MAP3K3: variants seen among roughly 807,000 people sequenced by gnomAD.
MAP3K3 encodes MAP/ERK kinase kinase 3.
In MAP3K3, 12 loss-of-function variants were observed where a neutral mutation model predicts 80.9. The ratio of observed to expected loss-of-function variants is 0.15; its 90% CI spans 0.10 to 0.24. MAP3K3 has a LOEUF of 0.24. Among genes scored for constraint, MAP3K3 ranks in the 10% least tolerant of loss-of-function variants. The probability of loss-of-function intolerance (pLI) is 1.00; values close to 1 mark genes in which losing one functional copy is unlikely to be tolerated. For synonymous variants in MAP3K3, 272 were observed against 307.1 expected (o/e 0.89, Z 1.19); for missense variants, 596 against 834.7 (o/e 0.71, Z 3.52).
rs2035609388 is a variant in MAP3K3 at position 63,692,330 on chromosome 17, G to C, written c.1563G>C (p.Gly521=). 6.2e-7 allele frequency: 1 copy of C among 1,613,970 alleles called. No homozygotes were observed. Among genetic ancestry groups the C allele is most frequent in the Non-Finnish European group, 8.5e-7 (1 of 1,180,012 alleles). The change falls in exon 15 of 16, where the codon GGG becomes GGC. Residue 521 remains glycine, a synonymous_variant. Transcript: ENST00000361733. The surrounding 1 kb of genome is among the most constrained non-coding windows in gnomAD (Gnocchi z 4.5). ...GCCTGCAGACGATCTGTATGTCGGG[G>C]ACGGGCATGCGCTCCGTCACTGGCA... ...SKRLQTICMS[G]TGMRSVTGTP...
intron 1 of MAP3K3, among the ~76,000 whole-genome samples, chr17:63,623,533 C>T (rs1016473898): frequency 3.9e-5 from 6 of 152,220 alleles, no homozygotes; most frequent in African/African-American, 1.4e-4. Flanking sequence ...AAGAATTTCT[C>T]TGAAATCACT....
chr17:63,692,258 A>C lies in MAP3K3; in HGVS notation c.1491A>C (p.Arg497=), dbSNP rs1489045110. Residue 497 remains arginine, a synonymous_variant, in exon 15 of 16, where the codon CGA becomes CGC. Transcript: ENST00000361733. This position sits in a 1 kb window ranked among gnomAD's most constrained non-coding sequence, Gnocchi z 4.5. ...HRDIKGANIL[R]DSAGNVKLGD... Reference sequence around the variant, plus strand: ...ATGCCTCAGGAGCCAACATCCTCCGAGACTCTGCTGGGAATGTAAAGCTGG... The same window carrying C: ...ATGCCTCAGGAGCCAACATCCTCCGCGACTCTGCTGGGAATGTAAAGCTGG... The C allele has an allele frequency of 2.5e-6, 4 of 1,614,006 alleles. No individual in the cohort carries two copies. Among genetic ancestry groups the C allele is most frequent in the Non-Finnish European group, 3.4e-6 (4 of 1,180,008 alleles).
intron 6 of MAP3K3, chr17:63,672,836 C>T (rs2035138936): frequency 1.3e-5 from 2 of 152,212 alleles, no homozygotes; most frequent in African/African-American, 4.8e-5. Context: ...CTGTTATTTT[C>T]ATTCACAGAT....
intron 11 of MAP3K3, 156 bp from the exon 12 acceptor site, chr17:63,690,108 C>A: frequency 1.2e-6 from 1 of 835,672 alleles, no homozygotes; most frequent in Non-Finnish European, 1.9e-6. Flanking sequence ...GACTAGGGCA[C>A]TGGGCTTGCT....
chr17:63,684,166 A>C (rs145425651), intron 7 of MAP3K3, among the ~76,000 whole-genome samples: 1 of 152,196 alleles, frequency 6.6e-6, no homozygotes, highest in Non-Finnish European at 1.5e-5. Flanking sequence ...ACAAAATGCT[A>C]GCACAATGTA....
intron 6 of MAP3K3, among the ~76,000 whole-genome samples, chr17:63,670,586 C>CAAAAAAAAAAAAAAAAA (rs756058538): frequency 2.5e-5 from 2 of 79,946 alleles, no homozygotes; most frequent in African/African-American, 4.8e-5. Context: ...GACTCTGTCT[C>CAAAAAAAAAAAAAAAAA]AAAAAAAAAA....
intron 1 of MAP3K3, among the ~76,000 whole-genome samples, chr17:63,623,441 G>A (rs576073704): frequency 3.9e-5 from 6 of 152,332 alleles, no homozygotes; most frequent in South Asian, 4.1e-4. Flanking sequence ...GAAAAATCCC[G>A]TTGCAGGGGT....
chr17:63,689,384 C>T lies in MAP3K3; in HGVS notation c.872-160C>T, dbSNP rs577037098. 14 of 618,874 alleles carry T rather than the reference C, an allele frequency of 2.3e-5. No homozygotes were observed. The highest frequency in any genetic ancestry group is 3.7e-5 in the African/African-American group (2 of 54,282). 38.3% of individuals were successfully genotyped at this position (618,874 alleles called of 1,614,324 possible). ...CTGTGGAATGAGTCAGGTGGGAGTG[C>T]GGACGGGATGGGCTGGAGCTGGTAT... On this transcript the variant is annotated intron_variant, in intron 10 of 15. Coordinates refer to ENST00000361733, the MANE Select transcript of MAP3K3 (RefSeq NM_002401.5). This position sits in a 1 kb window ranked among gnomAD's most constrained non-coding sequence, Gnocchi z 4.3.
intron 8 of MAP3K3, among the ~76,000 whole-genome samples, chr17:63,687,029 G>A (rs1457815681): frequency 6.6e-6 from 1 of 152,110 alleles, no homozygotes; most frequent in Non-Finnish European, 1.5e-5. Context: ...AAGATGCCTG[G>A]TTTAGCAGCA....
chr17:63,648,551 T>A (rs912036440), intron 3 of MAP3K3, among the ~76,000 whole-genome samples: 26 of 151,882 alleles, frequency 1.7e-4, no homozygotes, highest in African/African-American at 6.3e-4. Context: ...CTGGGCCGGG[T>A]GTGGTGGCTC....
chr17:63,667,120 C>T, intron 6 of MAP3K3, 60 bp downstream of exon 6: 1 of 1,489,954 alleles, frequency 6.7e-7, no homozygotes, highest in South Asian at 1.3e-5. Context: ...TTTAAAAAAG[C>T]AACAAGTATT....
At chr17:63,655,183 G>A (rs1245792291) in intron 4 of MAP3K3, among the ~76,000 whole-genome samples, 1 of 152,100 alleles carries the variant, frequency 6.6e-6, no homozygotes. Context: ...ATGGCGACAG[G>A]AGAGAGAAGG....
At chr17:63,640,408 T>A (rs2034416014) in intron 2 of MAP3K3, among the ~76,000 whole-genome samples, 1 of 152,130 alleles carries the variant, frequency 6.6e-6, no homozygotes, top group African/African-American at 2.4e-5. Flanking sequence ...GTGTGTGAGG[T>A]ATGTGTATGT....
intron 4 of MAP3K3, among the ~76,000 whole-genome samples, chr17:63,653,126 T>A (rs1026722830): frequency 6.6e-6 from 1 of 152,212 alleles, no homozygotes; most frequent in African/African-American, 2.4e-5. Context: ...GTTTCAAATG[T>A]TAGCACCTGC....
rs771464819 is a variant in MAP3K3, at chr17:63,693,904, C to T, written c.*127C>T. 68 of 798,378 alleles carry T rather than the reference C, an allele frequency of 8.5e-5. No homozygotes were observed. The highest frequency in any genetic ancestry group is 2.6e-4 in the African/African-American group (15 of 56,616). 49.5% of individuals were successfully genotyped at this position (798,378 alleles called of 1,614,324 possible). On this transcript the variant is annotated 3_prime_UTR_variant, in exon 16 of 16. Transcript: ENST00000361733. This position sits in a 1 kb window ranked among gnomAD's most constrained non-coding sequence, Gnocchi z 4.2. The stretch of plus-strand genomic sequence containing the variant: ...CATGGAGTGGCAGCCCAGCCAGCGT[C>T]GGTCTGTGCCCCTTCCGCCACTGGG...
At chr17:63,681,740 T>C in intron 6 of MAP3K3, 26 bp from the exon 7 acceptor site, 1 of 1,404,506 alleles carries the variant, frequency 7.1e-7, no homozygotes, top group Non-Finnish European at 9.4e-7. Context: ...GGCTCTGTTG[T>C]TGAAAGCCTC....
rs764725736 is a variant in MAP3K3 at position 63,691,708 on chromosome 17, T to A, written c.1345-25T>A. ...TCCACCAGCCCTCCCCTGAGGGGAC[T>A]CCTCTGACTTCTTGTGGCCTCCAGG... On this transcript the variant is annotated intron_variant, in intron 13 of 15. Transcript: ENST00000361733. The surrounding 1 kb of genome is among the most constrained non-coding windows in gnomAD (Gnocchi z 4.8). 10 of 1,607,098 alleles carry A rather than the reference T, an allele frequency of 6.2e-6. No individual in the cohort carries two copies. The African/African-American group carries it at 1.3e-4, about 21-fold the overall frequency.
intron 1 of MAP3K3, among the ~76,000 whole-genome samples, chr17:63,627,427 G>A (rs28654148): frequency 0.035 from 5,289 of 151,640 alleles, 335 homozygotes; most frequent in African/African-American, 0.12. Context: ...ACTTGTTCAC[G>A]TGTAAAGTTC....
chr17:63,622,773 G>A lies in MAP3K3; in HGVS notation c.4+10G>A. 3.8e-6 allele frequency: 2 copies of A among 526,018 alleles called. No individual in the cohort carries two copies. Among genetic ancestry groups the A allele is most frequent in the Admixed American group, 2.2e-5 (1 of 44,710 alleles). The allele number at this position is 526,018 out of a possible 1,614,324, so 32.6% of individuals were successfully genotyped here. ...GCCATCGCCACCATGGGTAAGTGTC[G>A]CCACCGCCCCGGCCTGTGCCCGCGC... On this transcript the variant is annotated intron_variant, in intron 1 of 15. Coordinates refer to ENST00000361733, the MANE Select transcript of MAP3K3 (RefSeq NM_002401.5).
Sources: gnomAD v4.1 joint callset for allele counts (sites outside exome capture counted in the v4.1 genomes callset) on GRCh38, gnomAD v4.1.1 for gene constraint, Gnocchi (gnomAD v3.1) non-coding constraint, MANE v1.5 for transcripts, NCBI Gene and HGNC (gene_info 2026-07-23, HGNC 2026-07-21) for gene names.